The following CACNA2D3 variants were observed in gnomAD, a reference collection of about 807,000 sequenced individuals.
CACNA2D3 encodes voltage-dependent calcium channel subunit alpha-2/delta-3.
In CACNA2D3, 60 loss-of-function variants were observed where a neutral mutation model predicts 160.6. That is an observed-to-expected ratio of 0.37 (90% confidence interval 0.30 to 0.46). The LOEUF (loss-of-function observed/expected upper bound fraction) is 0.46, where lower values mean the gene tolerates loss of function less well. Ranked by LOEUF, CACNA2D3 falls within the 20% of genes least tolerant of loss-of-function variation. CACNA2D3 has a pLI of 1.00. For synonymous variants in CACNA2D3, 558 were observed against 492.9 expected (o/e 1.13, Z -1.75); for missense variants, 1,205 against 1,365.0 (o/e 0.88, Z 1.85).
intron 31 of CACNA2D3, among the ~76,000 whole-genome samples, chr3:54,993,000 A>C (rs1390792911): frequency 6.6e-6 from 1 of 152,106 alleles, no homozygotes; most frequent in East Asian, 1.9e-4. Context: ...ACCTTAAAAC[A>C]ACGAGATCTC....
intron 11 of CACNA2D3, among the ~76,000 whole-genome samples, chr3:54,694,972 T>G (rs1187352128): frequency 6.6e-6 from 1 of 152,218 alleles, no homozygotes; most frequent in African/African-American, 2.4e-5. Context: ...TAACTTTTTA[T>G]CTTGAGCCTT....
At chr3:54,210,444 G>T (rs996900421) in intron 2 of CACNA2D3, among the ~76,000 whole-genome samples, 2 of 149,796 alleles carry the variant, frequency 1.3e-5, no homozygotes, top group Admixed American at 1.3e-4. Context: ...GTGTGTGTTT[G>T]TGTGTGTGTG....
intron 12 of CACNA2D3, among the ~76,000 whole-genome samples, chr3:54,754,390 C>T (rs1701932281): frequency 1.3e-5 from 2 of 152,182 alleles, no homozygotes; most frequent in South Asian, 2.1e-4. Context: ...GAGGTAGTGA[C>T]AATACCTTCC....
chr3:54,591,944 G>T (rs547218262), intron 9 of CACNA2D3, among the ~76,000 whole-genome samples: 3 of 152,156 alleles, frequency 2.0e-5, no homozygotes, highest in Non-Finnish European at 4.4e-5. Context: ...ATGCTGACAA[G>T]TTCTTATGAC....
At chr3:54,998,713 TTTTTGTTTTGTTTTGTTTTG>T (rs150766606) in intron 31 of CACNA2D3, among the ~76,000 whole-genome samples, 82 of 147,268 alleles carry the variant, frequency 5.6e-4, no homozygotes, top group African/African-American at 1.1e-3. Flanking sequence ...CTAAAGTTGG[TTTTTGTTTTGTTTTGTTTTG>T]TTTTGTTTTG....
intron 2 of CACNA2D3, among the ~76,000 whole-genome samples, chr3:54,272,206 G>T (rs947457306): frequency 6.6e-6 from 1 of 152,216 alleles, no homozygotes; most frequent in Non-Finnish European, 1.5e-5. Context: ...GGCATTACCA[G>T]TCACTGCCAC....
chr3:54,751,056 C>T (rs1701847881), intron 11 of CACNA2D3, among the ~76,000 whole-genome samples: 1 of 152,052 alleles, frequency 6.6e-6, no homozygotes, highest in South Asian at 2.1e-4. Context: ...AGGTGTGAGC[C>T]ACTGCGCTCA....
chr3:54,982,096 A>G (rs917066816), intron 29 of CACNA2D3, among the ~76,000 whole-genome samples: 2 of 152,132 alleles, frequency 1.3e-5, no homozygotes, highest in Non-Finnish European at 2.9e-5. Flanking sequence ...CGGGGGAGGA[A>G]AAAGCTCCCC....
intron 2 of CACNA2D3, among the ~76,000 whole-genome samples, chr3:54,136,459 C>T (rs968530910): frequency 8.5e-5 from 13 of 152,230 alleles, no homozygotes; most frequent in Non-Finnish European, 4.4e-5. Context: ...TGTTGGACAT[C>T]CTTTTCTTTC....
Position 54,552,133 on chromosome 3 carries a change from G to A in CACNA2D3, c.545-10667G>A, listed in dbSNP as rs559358526. On this transcript the variant is annotated intron_variant, in intron 5 of 37. Coordinates refer to ENST00000474759, the MANE Select transcript of CACNA2D3 (RefSeq NM_018398.3). Reference sequence around the variant, plus strand: ...TACCTCAAGTCCAAATGCTGATAGTGATGCAGTAGCCTCACTGGCCTGCTT... The same window carrying A: ...TACCTCAAGTCCAAATGCTGATAGTAATGCAGTAGCCTCACTGGCCTGCTT... Among the ~76,000 whole-genome samples, 140 of 152,164 alleles carry A rather than the reference G, an allele frequency of 9.2e-4. 2 individuals carry two copies. Among genetic ancestry groups the A allele is most frequent in the African/African-American group, 3.3e-3 (135 of 41,516 alleles).
intron 2 of CACNA2D3, among the ~76,000 whole-genome samples, chr3:54,220,788 G>A (rs1368233507): frequency 6.6e-6 from 1 of 152,172 alleles, no homozygotes; most frequent in Non-Finnish European, 1.5e-5. Context: ...TCTCTCCAGA[G>A]CCAGGGCTGA....
chr3:54,161,989 G>T (rs1700353505), intron 2 of CACNA2D3, among the ~76,000 whole-genome samples: 2 of 152,178 alleles, frequency 1.3e-5, no homozygotes, highest in Non-Finnish European at 2.9e-5. Context: ...ATGGAGCCTG[G>T]TGAATCCTGG....
chr3:54,133,212 T>C (rs571105470), intron 2 of CACNA2D3, among the ~76,000 whole-genome samples: 11 of 152,194 alleles, frequency 7.2e-5, no homozygotes, highest in Non-Finnish European at 1.5e-4. Flanking sequence ...TGATGTGTGC[T>C]TTATTTATGA....
intron 11 of CACNA2D3, among the ~76,000 whole-genome samples, chr3:54,739,904 A>G (rs1575451018): frequency 6.6e-6 from 1 of 152,164 alleles, no homozygotes; most frequent in East Asian, 1.9e-4. Flanking sequence ...TCCCCATTCT[A>G]TAAAAAGTAT....
At chr3:54,607,277 T>C (rs946019827) in intron 9 of CACNA2D3, among the ~76,000 whole-genome samples, 3 of 152,170 alleles carry the variant, frequency 2.0e-5, no homozygotes, top group Admixed American at 6.5e-5. Flanking sequence ...TGCGGCACTA[T>C]AGTTTCTGAC....
At chr3:54,513,936 G>A (rs1287517528) in intron 5 of CACNA2D3, among the ~76,000 whole-genome samples, 1 of 152,194 alleles carries the variant, frequency 6.6e-6, no homozygotes. Flanking sequence ...GCCTCCCAAA[G>A]TGCTGGGATT....
intron 11 of CACNA2D3, among the ~76,000 whole-genome samples, chr3:54,669,693 A>G (rs1016025502): frequency 5.9e-5 from 9 of 152,188 alleles, no homozygotes; most frequent in African/African-American, 1.7e-4. Context: ...TAGAGAAAGT[A>G]TCCTTCAGAT....
chr3:55,004,931 A>T, intron 32 of CACNA2D3, 93 bp downstream of exon 32: 2 of 840,862 alleles, frequency 2.4e-6, no homozygotes. Context: ...AATCAAGTTT[A>T]TCTTTTTGCA....
chr3:54,914,418 C>T (rs1464039271), intron 27 of CACNA2D3, among the ~76,000 whole-genome samples: 1 of 152,148 alleles, frequency 6.6e-6, no homozygotes, highest in Non-Finnish European at 1.5e-5. Flanking sequence ...CTCTCTAAGA[C>T]CCTTCTCAGA....
Sources: gnomAD v4.1 joint callset for allele counts (sites outside exome capture counted in the v4.1 genomes callset) on GRCh38, gnomAD v4.1.1 for gene constraint, MANE v1.5 for transcripts, NCBI Gene and HGNC (gene_info 2026-07-23, HGNC 2026-07-21) for gene names.